MAD1L1: variants seen among roughly 807,000 people sequenced by gnomAD.
MAD1L1 encodes mitotic arrest deficient 1 like 1.
MAD1L1 carries 95 observed loss-of-function variants against 96.9 expected under a neutral mutation model. That is an observed-to-expected ratio of 0.98 (90% CI 0.83 to 1.16). The LOEUF (loss-of-function observed/expected upper bound fraction) is 1.16. MAD1L1 is among the 50% of genes most tolerant of loss of function. The pLI is 0.00. For synonymous variants in MAD1L1, 473 were observed against 396.6 expected (o/e 1.19, Z -2.29); for missense variants, 1,007 against 954.4 (o/e 1.06, Z -0.73).
chr7:2,084,920 C>T (rs982261629), intron 11 of MAD1L1, among the ~76,000 whole-genome samples: 3 of 152,188 alleles, frequency 2.0e-5, no homozygotes, highest in African/African-American at 7.2e-5. Context: ...TAAAAGAGAC[C>T]TTATCATTGC....
chr7:1,871,730 G>A (rs71523280), intron 18 of MAD1L1, among the ~76,000 whole-genome samples: 1,811 of 149,142 alleles, frequency 0.012, 15 homozygotes, highest in Admixed American at 0.027. Flanking sequence ...CACCTGCCAC[G>A]CTGAACCCAA....
Position 1,910,877 on chromosome 7 carries a change from C to T in MAD1L1, c.1808-12487G>A, listed in dbSNP as rs146638111. Among the ~76,000 whole-genome samples, 240 of 152,310 alleles carry T rather than the reference C, an allele frequency of 1.6e-3. 3 individuals carry two copies. Among genetic ancestry groups the T allele is most frequent in the African/African-American group, 5.0e-3 (209 of 41,574 alleles). ...AAAGCAGGGAGAGGGCTCCCTGTGA[C>T]GCCAGTCAGGCGGGACATGGGCTCC... is the stretch of plus-strand genomic sequence containing the variant. On this transcript the variant is annotated intron_variant, in intron 17 of 18. Transcript: ENST00000265854.
intron 17 of MAD1L1, among the ~76,000 whole-genome samples, chr7:1,917,475 GC>G (rs1370586714): frequency 1.4e-4 from 22 of 152,204 alleles, no homozygotes; most frequent in Admixed American, 9.2e-4. Flanking sequence ...GCCCCTCTCC[GC>G]CCTCAGCACC....
At chr7:1,980,607 G>A in intron 14 of MAD1L1, 66 bp from the exon 15 acceptor site, 2 of 1,356,676 alleles carry the variant, frequency 1.5e-6, no homozygotes, top group Non-Finnish European at 2.1e-6. Flanking sequence ...GGGAACCCCA[G>A]CCCAGGCCCC....
chr7:2,109,985 C>T (rs1787294734), intron 11 of MAD1L1, among the ~76,000 whole-genome samples: 1 of 149,256 alleles, frequency 6.7e-6, no homozygotes, highest in African/African-American at 2.6e-5. Context: ...GGGCTCAGCA[C>T]AGTTGTGAGA....
chr7:2,131,444 GCTCT>G (rs1788506089), intron 11 of MAD1L1, among the ~76,000 whole-genome samples: 1 of 152,206 alleles, frequency 6.6e-6, no homozygotes, highest in Non-Finnish European at 1.5e-5. Context: ...AAACTCCCTG[GCTCT>G]CTAAGGAAAC....
chr7:1,899,613 C>G (rs565119316), intron 17 of MAD1L1, among the ~76,000 whole-genome samples: 1 of 152,100 alleles, frequency 6.6e-6, no homozygotes, highest in East Asian at 1.9e-4. Context: ...AGGCAGCGCC[C>G]GGGGGGAGGC....
intron 12 of MAD1L1, among the ~76,000 whole-genome samples, chr7:2,020,449 G>A (rs1562613835): frequency 1.3e-5 from 2 of 152,210 alleles, no homozygotes; most frequent in South Asian, 2.1e-4. Context: ...AGGACGGAAC[G>A]CCATGGGCAC....
At chr7:1,849,082 ATG>A (rs1156641317) in intron 18 of MAD1L1, 7 of 154,864 alleles carry the variant, frequency 4.5e-5, no homozygotes, top group East Asian at 1.9e-4. Flanking sequence ...ACAAATGCAC[ATG>A]CACGGACACA....
At chr7:1,998,416 C>T (rs538425583) in intron 14 of MAD1L1, among the ~76,000 whole-genome samples, 102 of 152,324 alleles carry the variant, frequency 6.7e-4, no homozygotes, top group African/African-American at 2.2e-3. Context: ...GCCATAATGC[C>T]GAGGGCTTGG....
At chr7:2,060,708 G>A (rs543480805) in intron 12 of MAD1L1, among the ~76,000 whole-genome samples, 9 of 152,350 alleles carry the variant, frequency 5.9e-5, no homozygotes, top group South Asian at 2.1e-4. Context: ...GCAGCGCCAC[G>A]CGTGGGGAGA....
At chr7:2,163,519 G>A (rs904689000) in intron 10 of MAD1L1, among the ~76,000 whole-genome samples, 17 of 152,046 alleles carry the variant, frequency 1.1e-4, no homozygotes, top group Non-Finnish European at 2.4e-4. Flanking sequence ...GATTACAGGC[G>A]CATGACACCA....
chr7:1,936,602 C>T (rs1778617443), intron 17 of MAD1L1, 85 bp downstream of exon 17: 8 of 1,352,072 alleles, frequency 5.9e-6, no homozygotes, highest in South Asian at 1.4e-5. Context: ...CAGGCAGGGG[C>T]GCCTGAGGCT....
intron 15 of MAD1L1, among the ~76,000 whole-genome samples, chr7:1,964,546 A>G (rs115754809): frequency 1.2e-3 from 181 of 152,360 alleles, no homozygotes; most frequent in African/African-American, 4.3e-3. Flanking sequence ...ATGGTGCTCA[A>G]AAGCTCAGAA....
chr7:2,215,623 G>GC (rs1167246508), intron 9 of MAD1L1, among the ~76,000 whole-genome samples: 1 of 152,052 alleles, frequency 6.6e-6, no homozygotes, highest in Non-Finnish European at 1.5e-5. Context: ...ATCACTCTGA[G>GC]CCCCCAGGAT....
chr7:1,850,577 C>A (rs537713831), intron 18 of MAD1L1, among the ~76,000 whole-genome samples: 109 of 152,322 alleles, frequency 7.2e-4, no homozygotes, highest in African/African-American at 2.6e-3. Flanking sequence ...CGGGGAGCTG[C>A]ACAGGTGACT....
At chr7:2,184,521 T>TA (rs1449496568) in intron 10 of MAD1L1, among the ~76,000 whole-genome samples, 4 of 152,162 alleles carry the variant, frequency 2.6e-5, no homozygotes, top group Non-Finnish European at 5.9e-5. Context: ...GTTATACACG[T>TA]ACTCATTAAA....
At chr7:2,040,763 G>A (rs765231438) in intron 12 of MAD1L1, among the ~76,000 whole-genome samples, 127 of 152,192 alleles carry the variant, frequency 8.3e-4, no homozygotes, top group Middle Eastern at 3.4e-3. Flanking sequence ...CCTCCATCCC[G>A]CAGAGGCTCA....
chr7:1,951,789 T>G (rs1180943492), intron 16 of MAD1L1, among the ~76,000 whole-genome samples: 3 of 152,090 alleles, frequency 2.0e-5, no homozygotes, highest in Non-Finnish European at 4.4e-5. Flanking sequence ...TGAGGCTGTA[T>G]CTATCATGCT....
Sources: gnomAD v4.1 joint callset for allele counts (sites outside exome capture counted in the v4.1 genomes callset) on GRCh38, gnomAD v4.1.1 for gene constraint, MANE v1.5 for transcripts, NCBI Gene and HGNC (gene_info 2026-07-23, HGNC 2026-07-21) for gene names.